THSD7B: variants seen among roughly 807,000 people sequenced by gnomAD.
The protein encoded by THSD7B is thrombospondin type 1 domain containing 7B.
A neutral mutation model predicts 213.6 loss-of-function variants in THSD7B; 138 were observed. The ratio of observed to expected loss-of-function variants is 0.65; its 90% confidence interval spans 0.56 to 0.74. The LOEUF (loss-of-function observed/expected upper bound fraction) is 0.74, where lower values mean the gene tolerates loss of function less well. THSD7B is among the 30% of genes least tolerant of loss of function. THSD7B has a pLI of 0.00. For missense variants in THSD7B, 1,931 were observed against 1,991.5 expected, an observed-to-expected ratio of 0.97 and a Z score of 0.58; for synonymous variants, 742 against 687.0, an observed-to-expected ratio of 1.08 and a Z score of -1.25.
intron 1 of THSD7B, among the ~76,000 whole-genome samples, chr2:136,850,856 A>G (rs887203105): frequency 6.6e-6 from 1 of 151,948 alleles, no homozygotes; most frequent in Admixed American, 6.6e-5. Flanking sequence ...ATATCCTTTA[A>G]TAATTTTTAA....
chr2:136,973,869 GTGTTAATT>G (rs1320704622), intron 2 of THSD7B, among the ~76,000 whole-genome samples: 1 of 152,138 alleles, frequency 6.6e-6, no homozygotes, highest in South Asian at 2.1e-4. Context: ...TCACTGATTT[GTGTTAATT>G]TGAGACACAG....
intron 6 of THSD7B, among the ~76,000 whole-genome samples, chr2:137,169,720 A>C (rs1680206082): frequency 6.6e-6 from 1 of 152,210 alleles, no homozygotes; most frequent in Non-Finnish European, 1.5e-5. Flanking sequence ...GAGATCCACA[A>C]AAGGTAGACG....
intron 7 of THSD7B, among the ~76,000 whole-genome samples, chr2:137,216,287 CT>C (rs61479443): frequency 0.95 from 121,869 of 128,506 alleles, 57,850 homozygotes; most frequent in Middle Eastern, 0.99. Context: ...CCCCACCCCC[CT>C]GCATTATGAT....
rs1026188309 is a variant in THSD7B at position 137,076,891 on chromosome 2, T to C, written c.951-17982T>C. On this transcript the variant is annotated intron_variant, in intron 3 of 27. Transcript: ENST00000409968. ...GCACAATGTGCATATTAGTTACATA[T>C]GTATACATGTGCCATGTTGGTGTGC... is the stretch of plus-strand genomic sequence containing the variant. Among the ~76,000 whole-genome samples the C allele has an allele frequency of 3.9e-5, 6 of 152,102 alleles. No individual in the cohort carries two copies. The East Asian group carries it at 1.2e-3, about 29-fold the overall frequency.
chr2:136,912,100 G>A (rs1400019624), intron 2 of THSD7B, among the ~76,000 whole-genome samples: 1 of 151,894 alleles, frequency 6.6e-6, no homozygotes, highest in Non-Finnish European at 1.5e-5. Context: ...ATCACCTAAG[G>A]TCAAGAGTTC....
At position 136,994,479 on chromosome 2, in the gene THSD7B, A is replaced by G. The variant is rs1685844813; in HGVS notation, c.140-61941A>G. Among the ~76,000 whole-genome samples, 3 of 152,162 alleles carry G rather than the reference A, an allele frequency of 2.0e-5. No individual in the cohort carries two copies. The South Asian group carries it at 6.2e-4, about 31-fold the overall frequency. On this transcript the variant is annotated intron_variant, in intron 2 of 27. Coordinates refer to ENST00000409968, the MANE Select transcript of THSD7B (RefSeq NM_001316349.2). The stretch of plus-strand genomic sequence containing the variant: ...CTACTTGGGAGGCTGAGGCAGGAGA[A>G]TGGCATGAACCCGGGAGGCGGAGCT...
In THSD7B at chr2:136,822,604, A is replaced by G. The variant is rs564570991; in HGVS notation, c.-36+56917A>G. Among the ~76,000 whole-genome samples, 3 of 152,234 alleles carry G rather than the reference A, an allele frequency of 2.0e-5. No individual in the cohort carries two copies. The South Asian group carries it at 6.2e-4, about 32-fold the overall frequency. On this transcript the variant is annotated intron_variant, in intron 1 of 27. Coordinates refer to ENST00000409968, the MANE Select transcript of THSD7B (RefSeq NM_001316349.2). ...TATTACATTATACAGCAGGGTTTTG[A>G]CTCTTTCTGTAATTAATTCCAAGAT...
chr2:137,140,535 A>G (rs1679559628), intron 5 of THSD7B, among the ~76,000 whole-genome samples: 1 of 152,144 alleles, frequency 6.6e-6, no homozygotes, highest in African/African-American at 2.4e-5. Context: ...AATTTCATTA[A>G]CAGTGTCTAA....
chr2:137,632,971 A>G (rs1177132782), intron 20 of THSD7B, among the ~76,000 whole-genome samples: 3 of 152,120 alleles, frequency 2.0e-5, no homozygotes, highest in African/African-American at 7.2e-5. Context: ...GAATCCCTCT[A>G]TAGGGGAAGC....
chr2:137,265,066 G>A (rs1474689389), intron 10 of THSD7B, among the ~76,000 whole-genome samples: 2 of 152,064 alleles, frequency 1.3e-5, no homozygotes, highest in Admixed American at 1.3e-4. Flanking sequence ...CTATGAGTGA[G>A]AATATGCAGT....
chr2:137,210,232 T>G (rs1437548149), intron 7 of THSD7B, among the ~76,000 whole-genome samples: 2 of 152,082 alleles, frequency 1.3e-5, no homozygotes, highest in African/African-American at 2.4e-5. Context: ...ATGCCTGTCA[T>G]CTAGGTTCTT....
intron 1 of THSD7B, among the ~76,000 whole-genome samples, chr2:136,837,437 C>T (rs1011500198): frequency 1.3e-5 from 2 of 152,214 alleles, no homozygotes; most frequent in African/African-American, 4.8e-5. Context: ...ACATATTCCC[C>T]CTCCTCATTC....
chr2:137,620,906 T>G (rs2104842877), intron 20 of THSD7B, among the ~76,000 whole-genome samples, 180 bp downstream of exon 20: 1 of 152,290 alleles, frequency 6.6e-6, no homozygotes, highest in East Asian at 1.9e-4. Flanking sequence ...AGGCAGAGGT[T>G]GCAGAATGGA....
At chr2:137,423,883 GAA>G (rs934802261) in intron 14 of THSD7B, among the ~76,000 whole-genome samples, 1 of 152,098 alleles carries the variant, frequency 6.6e-6, no homozygotes, top group African/African-American at 2.4e-5. Flanking sequence ...GAACAAAGTT[GAA>G]AGAGATACAC....
chr2:137,197,645 A>G (rs183501536), intron 7 of THSD7B, among the ~76,000 whole-genome samples: 57 of 152,286 alleles, frequency 3.7e-4, no homozygotes, highest in African/African-American at 1.3e-3. Flanking sequence ...GGAGGCATGC[A>G]GTACTGTTGG....
chr2:136,935,742 G>C (rs191440328), intron 2 of THSD7B, among the ~76,000 whole-genome samples: 1 of 151,968 alleles, frequency 6.6e-6, no homozygotes, highest in African/African-American at 2.4e-5. Flanking sequence ...CATACTCTGG[G>C]GATTGGTAAG....
chr2:137,330,962 A>C (rs1684489949), intron 12 of THSD7B, among the ~76,000 whole-genome samples: 2 of 152,182 alleles, frequency 1.3e-5, no homozygotes, highest in South Asian at 4.1e-4. Context: ...TCCCCATCAG[A>C]TTAGTTAGAT....
intron 2 of THSD7B, among the ~76,000 whole-genome samples, chr2:136,905,681 A>G (rs576356971): frequency 5.8e-4 from 89 of 152,352 alleles, no homozygotes; most frequent in African/African-American, 2.1e-3. Context: ...GGAATAGTCT[A>G]TCACTTTTGG....
chr2:137,557,754 C>CA (rs967344777), intron 15 of THSD7B, among the ~76,000 whole-genome samples: 3 of 151,940 alleles, frequency 2.0e-5, no homozygotes, highest in Non-Finnish European at 2.9e-5. Flanking sequence ...AAAAACCCTT[C>CA]AAAAAAACAA....
Sources: allele counts gnomAD v4.1 joint callset (sites outside exome capture counted in the v4.1 genomes callset), GRCh38; gene constraint gnomAD v4.1.1; transcripts MANE v1.5; gene names NCBI Gene and HGNC (gene_info 2026-07-23, HGNC 2026-07-21).